Variants in IRS1 observed in about 807,000 individuals in gnomAD.
IRS1 encodes insulin receptor substrate 1.
A neutral mutation model predicts 65.6 loss-of-function variants in IRS1; 34 were observed. That is an observed-to-expected ratio of 0.52 (90% CI 0.39 to 0.69). The LOEUF is 0.69. Ranked by LOEUF, IRS1 falls within the 30% of genes least tolerant of loss-of-function variation. The pLI is 0.00. For missense variants in IRS1, 1,641 were observed against 1,720.2 expected, an observed-to-expected ratio of 0.95 and a Z score of 0.81; for synonymous variants, 699 against 683.5, an observed-to-expected ratio of 1.02 and a Z score of -0.35.
intron 1 of IRS1, among the ~76,000 whole-genome samples, chr2:226,749,075 A>C (rs1433650053): frequency 3.3e-5 from 5 of 152,158 alleles, no homozygotes; most frequent in Admixed American, 6.5e-5. Flanking sequence ...GGAGCCACAA[A>C]ATTTCACCTT....
intron 1 of IRS1, among the ~76,000 whole-genome samples, chr2:226,748,317 A>T (rs10178285): frequency 0.082 from 12,463 of 151,166 alleles, 664 homozygotes; most frequent in East Asian, 0.18. Flanking sequence ...TAATCCCAGC[A>T]ACTCAGGAGG....
At position 226,798,253 on chromosome 2, in the gene IRS1, C is replaced by G. The variant is rs1215661160; in HGVS notation, c.486G>C (p.Glu162Asp). The G allele has an allele frequency of 6.2e-7, 1 of 1,613,538 alleles. No individual in the cohort carries two copies. The highest frequency in any genetic ancestry group is 1.1e-5 in the South Asian group (1 of 91,084). ...TGGGCTTCAGGATCACTTGCCAGAC[C>G]TCTTTGAATGCGGGTCCTGGGGGCA... ...GDVPPGPAFKEVWQVILKPKG... is the reference protein window; with the variant it reads ...GDVPPGPAFKDVWQVILKPKG... Residue 162 changes from glutamate (E) to aspartate (D), a missense_variant, in exon 1 of 2, where the codon GAG (glutamate) becomes GAC (aspartate). By Grantham distance (45) the Glu-to-Asp change is conservative. Coordinates refer to ENST00000305123, the MANE Select transcript of IRS1 (RefSeq NM_005544.3). The surrounding 1 kb of genome is among the most constrained non-coding windows in gnomAD (Gnocchi z 9.4).
intron 1 of IRS1, among the ~76,000 whole-genome samples, chr2:226,773,504 A>T (rs1329854674): frequency 6.6e-6 from 1 of 152,160 alleles, no homozygotes; most frequent in African/African-American, 2.4e-5. Flanking sequence ...TACTGCAAGA[A>T]TTATACAACA....
At chr2:226,772,711 A>G (rs1939187988) in intron 1 of IRS1, among the ~76,000 whole-genome samples, 1 of 151,736 alleles carries the variant, frequency 6.6e-6, no homozygotes, top group Non-Finnish European at 1.5e-5. Flanking sequence ...AAGTCCTCTT[A>G]TAGAAGATGA....
At chr2:226,756,574 A>G (rs1011255266) in intron 1 of IRS1, among the ~76,000 whole-genome samples, 5 of 152,228 alleles carry the variant, frequency 3.3e-5, no homozygotes, top group African/African-American at 1.2e-4. Context: ...TAATATGCTT[A>G]TTGATGCAGA....
At chr2:226,743,992 C>T (rs565727207) in intron 1 of IRS1, among the ~76,000 whole-genome samples, 1 of 152,280 alleles carries the variant, frequency 6.6e-6, no homozygotes, top group African/African-American at 2.4e-5. Flanking sequence ...CAAATTGCTT[C>T]AAGAAAGCAA....
At chr2:226,749,750 A>G (rs1938635525) in intron 1 of IRS1, among the ~76,000 whole-genome samples, 1 of 152,178 alleles carries the variant, frequency 6.6e-6, no homozygotes, top group African/African-American at 2.4e-5. Flanking sequence ...GGGAAGGAAG[A>G]TGGTCCAATG....
Position 226,798,642 on chromosome 2 carries a change from G to A in IRS1, c.97C>T (p.Arg33Cys), listed in dbSNP as rs762833254. ...KSMHKRFFVL[R>C]AASEAGGPAR... ...GGGCCCCCAGCCTCGCTGGCCGCGCGCAGTACGAAGAAGCGTTTGTGCATG... is the reference window on the plus strand; with the variant it reads ...GGGCCCCCAGCCTCGCTGGCCGCGCACAGTACGAAGAAGCGTTTGTGCATG... The change falls in exon 1 of 2, where the codon CGC (arginine) becomes TGC (cysteine). Residue 33 changes from arginine to cysteine, a missense_variant. Coordinates refer to ENST00000305123, the MANE Select transcript of IRS1 (RefSeq NM_005544.3). This position sits in a 1 kb window ranked among gnomAD's most constrained non-coding sequence, Gnocchi z 9.4. 1 of 1,613,008 alleles carries A rather than the reference G, an allele frequency of 6.2e-7. No individual in the cohort carries two copies. The highest frequency in any genetic ancestry group is 8.5e-7 in the Non-Finnish European group (1 of 1,179,552).
Position 226,797,303 on chromosome 2 carries a change from G to A in IRS1, c.1436C>T (p.Pro479Leu). 2.5e-6 allele frequency: 4 copies of A among 1,613,522 alleles called. No individual in the cohort carries two copies. The highest frequency in any genetic ancestry group is 2.5e-6 in the Non-Finnish European group (3 of 1,179,996). ...CCGAGACAAAATGTAGTGACCGTTG[G>A]GGGCGGTCAGGGTGGAGGGCCCCTT... ...GGKGPSTLTA[P>L]NGHYILSRGG... is the part of the protein sequence containing the mutation. The change falls in exon 1 of 2, where the codon CCC becomes CTC. Residue 479 changes from proline to leucine, a missense_variant. Pro to Leu is a moderately conservative substitution (Grantham distance 98). Transcript: ENST00000305123. This position sits in a 1 kb window ranked among gnomAD's most constrained non-coding sequence, Gnocchi z 8.1.
At chr2:226,779,815 C>A (rs1008989765) in intron 1 of IRS1, among the ~76,000 whole-genome samples, 1 of 152,170 alleles carries the variant, frequency 6.6e-6, no homozygotes, top group Non-Finnish European at 1.5e-5. Context: ...TTACACCAGT[C>A]CAGCCTCAAT....
chr2:226,766,145 A>T (rs1559151971), intron 1 of IRS1, among the ~76,000 whole-genome samples: 21 of 3,764 alleles, frequency 5.6e-3, no homozygotes, highest in Middle Eastern at 0.17. Flanking sequence ...ATATATATAT[A>T]TATATATATA....
chr2:226,764,358 A>G (rs1938984824), intron 1 of IRS1, among the ~76,000 whole-genome samples: 1 of 151,952 alleles, frequency 6.6e-6, no homozygotes, highest in Admixed American at 6.6e-5. Context: ...AGCCTGGACA[A>G]CATGGCAAGA....
chr2:226,766,122 TA>T (rs1337936230), intron 1 of IRS1, among the ~76,000 whole-genome samples: 2 of 3,508 alleles, frequency 5.7e-4, no homozygotes, highest in Non-Finnish European at 1.1e-3. Context: ...CTCTTAATCT[TA>T]TATATATATA....
At chr2:226,760,507 T>G (rs1407359535) in intron 1 of IRS1, among the ~76,000 whole-genome samples, 1 of 152,186 alleles carries the variant, frequency 6.6e-6, no homozygotes, top group Non-Finnish European at 1.5e-5. Flanking sequence ...CATAATTTTT[T>G]TTACCCTCTT....
intron 1 of IRS1, among the ~76,000 whole-genome samples, chr2:226,769,128 G>A (rs924731145): frequency 2.0e-5 from 3 of 152,188 alleles, no homozygotes. Flanking sequence ...CTAGAAACTA[G>A]TAATAGGATT....
intron 1 of IRS1, among the ~76,000 whole-genome samples, chr2:226,766,475 T>C (rs1351926854): frequency 6.6e-6 from 1 of 151,896 alleles, no homozygotes; most frequent in Non-Finnish European, 1.5e-5. Flanking sequence ...TCCTATACTA[T>C]TTTTACCATG....
At chr2:226,743,716 A>T (rs939582878) in intron 1 of IRS1, among the ~76,000 whole-genome samples, 2 of 152,102 alleles carry the variant, frequency 1.3e-5, no homozygotes, top group African/African-American at 2.4e-5. Flanking sequence ...TGAGGTTTCT[A>T]TTGTAATTTC....
At chr2:226,766,161 A>ATTTTTTTTTTTTT (rs1312915502) in intron 1 of IRS1, among the ~76,000 whole-genome samples, 4 of 5,458 alleles carry the variant, frequency 7.3e-4, no homozygotes, top group African/African-American at 9.6e-4. Context: ...ATATATATAT[A>ATTTTTTTTTTTTT]TATTTTTTTT....
chr2:226,770,318 G>A (rs1939138553), intron 1 of IRS1, among the ~76,000 whole-genome samples: 1 of 152,210 alleles, frequency 6.6e-6, no homozygotes, highest in South Asian at 2.1e-4. Flanking sequence ...AACTAAATAT[G>A]AGTGTGGTCT....
Sources: gnomAD v4.1 joint callset for allele counts (sites outside exome capture counted in the v4.1 genomes callset) on GRCh38, gnomAD v4.1.1 for gene constraint, Gnocchi (gnomAD v3.1) non-coding constraint, MANE v1.5 for transcripts, NCBI Gene and HGNC (gene_info 2026-07-23, HGNC 2026-07-21) for gene names.